BRD1: variants seen among roughly 807,000 people sequenced by gnomAD.
The protein encoded by BRD1 is bromodomain containing 1.
A neutral mutation model predicts 107.7 loss-of-function variants in BRD1; 24 were observed. The observed-to-expected ratio is 0.22, with a 90% confidence interval of 0.16 to 0.31. The LOEUF (loss-of-function observed/expected upper bound fraction) is 0.31. Ranked by LOEUF, BRD1 falls within the 10% of genes least tolerant of loss-of-function variation. The pLI, the probability that BRD1 is intolerant of heterozygous loss-of-function variation, is 1.00. For missense variants in BRD1, 1,279 were observed against 1,638.6 expected (o/e 0.78, Z 3.79); for synonymous variants, 744 against 686.1 (o/e 1.08, Z -1.32).
rs556435786 is a variant in BRD1 at position 49,790,880 on chromosome 22, C to T, written c.2360-2993G>A. On this transcript the variant is annotated intron_variant, in intron 7 of 12. Transcript: ENST00000404760. ...CGTGCACGGCAGGGGGACTTCCACA[C>T]GTGCACTTCAAGGGACCACAGCTGC... 5.3e-5 allele frequency among the ~76,000 whole-genome samples: 8 copies of T among 152,358 alleles called. No individual in the cohort carries two copies. The East Asian group carries it at 1.5e-3, about 29-fold the overall frequency.
chr22:49,782,842 T>C (rs2059238635), intron 8 of BRD1, among the ~76,000 whole-genome samples: 1 of 147,224 alleles, frequency 6.8e-6, no homozygotes, highest in Non-Finnish European at 1.5e-5. Flanking sequence ...CCAAGGCCCA[T>C]CGTGCTGGGA....
chr22:49,781,273 G>C (rs1337690739), intron 8 of BRD1, among the ~76,000 whole-genome samples: 1 of 152,184 alleles, frequency 6.6e-6, no homozygotes, highest in Admixed American at 6.5e-5. Context: ...AAGCCTGCCC[G>C]TCACCAGGTA....
chr22:49,819,969 A>C (rs955810799), intron 2 of BRD1, among the ~76,000 whole-genome samples: 2 of 151,876 alleles, frequency 1.3e-5, no homozygotes, highest in African/African-American at 4.8e-5. Context: ...GTCTCTACTA[A>C]AAATACAAAA....
At chr22:49,805,693 C>T (rs1489492475) in intron 2 of BRD1, 1 of 152,148 alleles carries the variant, frequency 6.6e-6, no homozygotes. Context: ...CTGAGGCAAA[C>T]CATGTGCAGT....
chr22:49,774,484 T>A (rs771657116), intron 12 of BRD1, 68 bp from the exon 13 acceptor site: 50 of 1,505,306 alleles, frequency 3.3e-5, no homozygotes, highest in Non-Finnish European at 4.5e-5. Flanking sequence ...CTCCATGTAA[T>A]CATCTAACAA....
intron 2 of BRD1, 32 bp from the exon 3 acceptor site, chr22:49,804,392 G>A (rs1460089418): frequency 1.9e-6 from 3 of 1,572,652 alleles, no homozygotes; most frequent in South Asian, 2.4e-5. Context: ...TATCTTTGAA[G>A]CAGTACATTA....
At chr22:49,818,096 T>C (rs1419344534) in intron 2 of BRD1, 1 of 538,974 alleles carries the variant, frequency 1.9e-6, no homozygotes, top group Admixed American at 5.5e-5. Flanking sequence ...CCAAGACCAG[T>C]TCATCCTTTT....
Position 49,823,525 on chromosome 22 carries a change from G to C in BRD1, c.793C>G (p.Arg265Gly). The stretch of plus-strand genomic sequence containing the variant: ...AGCACACAGTCGGCGGGCCGGGCCC[G>C]CGACTGCAGGCAGTGGCGGCAGAGC... ...QWLCRHCLQS[R>G]ARPADCVLCP... The change falls in exon 2 of 13, where the codon CGG becomes GGG. Residue 265 changes from arginine (R) to glycine (G), a missense_variant. Arg to Gly is a moderately radical substitution (Grantham distance 125, BLOSUM62 -2). Coordinates refer to ENST00000404760, the MANE Select transcript of BRD1 (RefSeq NM_001304808.3). 6.2e-7 allele frequency: 1 copy of C among 1,600,908 alleles called. No homozygotes were observed. Among genetic ancestry groups the C allele is most frequent in the South Asian group, 1.1e-5 (1 of 90,826 alleles).
At position 49,823,999 on chromosome 22, in the gene BRD1, C is replaced by A; in HGVS notation, c.319G>T (p.Ala107Ser). The change falls in exon 2 of 13, where the codon GCC becomes TCC. Residue 107 changes from alanine to serine, a missense_variant. Transcript: ENST00000404760. ...CTGGCCGAGGCCGGCGTGCCGTGGGCGCTGGGGAGGGCCTCGTTTTTCTTT... is the reference window on the plus strand; with the variant it reads ...CTGGCCGAGGCCGGCGTGCCGTGGGAGCTGGGGAGGGCCTCGTTTTTCTTT... ...VKKKNEALPS[A>S]HGTPASASAL... The A allele has an allele frequency of 6.2e-7, 1 of 1,613,920 alleles. No individual in the cohort carries two copies. The highest frequency in any genetic ancestry group is 1.1e-5 in the South Asian group (1 of 91,092).
At chr22:49,799,228 C>A in intron 3 of BRD1, 109 bp from the exon 4 acceptor site, 1 of 1,438,902 alleles carries the variant, frequency 6.9e-7, no homozygotes, top group Non-Finnish European at 9.4e-7. Flanking sequence ...AGGGGTCCTG[C>A]AGGCCCATCC....
rs544584231 is a variant in BRD1 at position 49,822,642 on chromosome 22, G to A, written c.1367+309C>T. 6.6e-5 allele frequency among the ~76,000 whole-genome samples: 10 copies of A among 151,572 alleles called. No homozygotes were observed. In the South Asian group the frequency reaches 1.2e-3, roughly 19 times the overall value. On this transcript the variant is annotated intron_variant, in intron 2 of 12. Transcript: ENST00000404760. ...GGAGAATTGCTTGAACCCAGGAGGC[G>A]GGGGTTGCAGTGAGCTGAGATTGCG...
chr22:49,807,003 A>T (rs950352869), intron 2 of BRD1: 3 of 151,644 alleles, frequency 2.0e-5, no homozygotes, highest in African/African-American at 7.3e-5. Context: ...TGTCTCAAAA[A>T]AAAAAAAAAA....
At chr22:49,808,841 G>C (rs565558775) in intron 2 of BRD1, among the ~76,000 whole-genome samples, 1 of 152,200 alleles carries the variant, frequency 6.6e-6, no homozygotes, top group Non-Finnish European at 1.5e-5. Flanking sequence ...AAAGTGAGCC[G>C]GGCGCAGTGG....
At chr22:49,818,925 G>C (rs149992689) in intron 2 of BRD1, among the ~76,000 whole-genome samples, 4 of 151,942 alleles carry the variant, frequency 2.6e-5, no homozygotes, top group Admixed American at 2.0e-4. Context: ...AACTCAATCC[G>C]TTAATAAAAA....
chr22:49,798,214 T>C, intron 5 of BRD1, 97 bp from the exon 6 acceptor site: 6 of 1,251,802 alleles, frequency 4.8e-6, no homozygotes, highest in Middle Eastern at 2.2e-4. Context: ...GCCCATCCTA[T>C]CTGAGAGCCA....
intron 2 of BRD1, among the ~76,000 whole-genome samples, chr22:49,821,382 C>T (rs1018190313): frequency 1.3e-5 from 2 of 152,172 alleles, no homozygotes; most frequent in African/African-American, 4.8e-5. Flanking sequence ...CTTTTTGACT[C>T]ATAGGTAGAA....
chr22:49,774,449 T>C, intron 12 of BRD1, 33 bp from the exon 13 acceptor site: 1 of 1,589,720 alleles, frequency 6.3e-7, no homozygotes, highest in South Asian at 1.1e-5. Flanking sequence ...GGAAAATCAT[T>C]GCTTGCACAT....
In BRD1 at chr22:49,818,233, T is replaced by C. The variant is rs773213652; in HGVS notation, c.1367+4718A>G. On this transcript the variant is annotated intron_variant, in intron 2 of 12. Transcript: ENST00000404760. ...TCACAAAGCCTTGCCTATCTGAGGT[T>C]CTTGTCCGTGAGGCTGAAGTCCAGG... The C allele has an allele frequency of 2.5e-6, 3 of 1,211,186 alleles. No homozygotes were observed. The South Asian group carries it at 4.4e-5, about 18-fold the overall frequency. The allele number at this position is 1,211,186 out of a possible 1,614,324, so 75.0% of individuals were successfully genotyped here. A position where few individuals can be genotyped will look rare whatever the true frequency, so the allele number is the denominator to read the frequency against.
intron 2 of BRD1, among the ~76,000 whole-genome samples, chr22:49,822,014 G>T (rs1412501087): frequency 6.6e-6 from 1 of 152,262 alleles, no homozygotes; most frequent in African/African-American, 2.4e-5. Flanking sequence ...AGCAGTGGAT[G>T]TCCCGATGCC....
Sources: gnomAD v4.1 joint callset for allele counts (sites outside exome capture counted in the v4.1 genomes callset) on GRCh38, gnomAD v4.1.1 for gene constraint, MANE v1.5 for transcripts, NCBI Gene and HGNC (gene_info 2026-07-23, HGNC 2026-07-21) for gene names.